AP3M1: variants seen among roughly 807,000 people sequenced by gnomAD.
AP3M1 encodes the protein AP-3 complex subunit mu-1.
AP3M1 carries 29 observed loss-of-function variants against 42.6 expected under a neutral mutation model. The observed-to-expected ratio is 0.68, with a 90% CI of 0.51 to 0.93. AP3M1 has a LOEUF of 0.93. Ranked by LOEUF, AP3M1 falls within the 40% of genes least tolerant of loss-of-function variation. The pLI, the probability that AP3M1 is intolerant of heterozygous loss-of-function variation, is 0.00. For synonymous variants in AP3M1, 178 were observed against 175.3 expected (o/e 1.02, Z -0.12); for missense variants, 416 against 510.2 (o/e 0.82, Z 1.78).
intron 1 of AP3M1, among the ~76,000 whole-genome samples, chr10:74,143,068 TG>T (rs1483129055): frequency 6.6e-6 from 1 of 152,208 alleles, no homozygotes; most frequent in Non-Finnish European, 1.5e-5. Context: ...TGGTTATTTT[TG>T]GCCAGGCACA....
chr10:74,137,959 C>A (rs550371030), intron 2 of AP3M1, 148 bp downstream of exon 2: 7 of 787,352 alleles, frequency 8.9e-6, no homozygotes, highest in East Asian at 5.5e-5. Flanking sequence ...TAACTGTATA[C>A]CACACAGAAA....
rs1307582829 is a variant in AP3M1, at chr10:74,126,414, A to G, written c.804-59T>C. 6.4e-6 allele frequency: 9 copies of G among 1,410,558 alleles called. No individual in the cohort carries two copies. In the East Asian group the frequency reaches 1.9e-4, roughly 30 times the overall value. 87.4% of individuals were successfully genotyped at this position (1,410,558 alleles called of 1,614,324 possible). On this transcript the variant is annotated intron_variant, in intron 6 of 8. Transcript: ENST00000355264. ...CAAACACAATTAATGGTGTGGGGAG[A>G]GCTCCAGAGGTATCCTGAAAACCTC...
rs1477971400 is a variant in AP3M1 at position 74,122,552 on chromosome 10, C to G, written c.*1258G>C. ...TTGAGTGCAATAATACAACTGTTGA[C>G]TGACTTTCCAAAACCACGGTGATCG... On this transcript the variant is annotated 3_prime_UTR_variant, in exon 9 of 9. Transcript: ENST00000355264. The G allele has an allele frequency of 6.6e-6, 1 of 152,080 alleles. No homozygotes were observed. Among genetic ancestry groups the G allele is most frequent in the Admixed American group, 6.5e-5 (1 of 15,282 alleles). 9.4% of individuals were successfully genotyped at this position (152,080 alleles called of 1,614,324 possible).
rs773113503 is a variant in AP3M1 at position 74,124,435 on chromosome 10, T to G, written c.1101A>C (p.Pro367=). 2 of 1,613,698 alleles carry G rather than the reference T, an allele frequency of 1.2e-6. No homozygotes were observed. Among genetic ancestry groups the G allele is most frequent in the Admixed American group, 1.7e-5 (1 of 59,936 alleles). The change falls in exon 8 of 9, where the codon CCA becomes CCC. Residue 367 remains proline, a synonymous_variant. Transcript: ENST00000355264. ...GTATGTTGAGGCTCGGATTCTCTTC[T>G]GGTTTGGGGGCTCCAGACTGTAAAT... is the stretch of plus-strand genomic sequence containing the variant. ...LVNLQSGAPK[P]EENPSLNIQF...
intron 3 of AP3M1, among the ~76,000 whole-genome samples, chr10:74,136,226 A>G (rs1253980898): frequency 6.6e-6 from 1 of 152,182 alleles, no homozygotes; most frequent in Non-Finnish European, 1.5e-5. Context: ...TCTATTCTCT[A>G]GTAATTGTGG....
In AP3M1 at chr10:74,124,370, T is replaced by C; in HGVS notation, c.1156+10A>G. 1 of 1,602,484 alleles carries C rather than the reference T, an allele frequency of 6.2e-7. No individual in the cohort carries two copies. Among genetic ancestry groups the C allele is most frequent in the Non-Finnish European group, 8.5e-7 (1 of 1,176,998 alleles). ...AATTACCCTTAACTACAAGTCAACC[T>C]TATCCTTACCTGAAATAGCAAGCTG... On this transcript the variant is annotated intron_variant, in intron 8 of 8. Transcript: ENST00000355264.
chr10:74,126,473 C>T, intron 6 of AP3M1, 118 bp from the exon 7 acceptor site: 1 of 704,154 alleles, frequency 1.4e-6, no homozygotes. Context: ...TTTAACTCCA[C>T]AATAAGGTAC....
chr10:74,144,719 A>G (rs539261712), intron 1 of AP3M1, among the ~76,000 whole-genome samples: 27 of 151,240 alleles, frequency 1.8e-4, no homozygotes, highest in African/African-American at 6.6e-4. Context: ...CTGGAGTGCA[A>G]TGGCACGATT....
chr10:74,128,326 C>T (rs1840680750), intron 6 of AP3M1, among the ~76,000 whole-genome samples: 1 of 151,604 alleles, frequency 6.6e-6, no homozygotes, highest in Admixed American at 6.6e-5. Flanking sequence ...CAACCTCTGC[C>T]TTCCAGGTTC....
Position 74,137,969 on chromosome 10 carries a change from A to AT in AP3M1, c.273+137_273+138insA, listed in dbSNP as rs1399657648. ...GTGTGTAACTGTATACCACACAGAA[A>AT]AGGGCTTATGAATTTACGCTTAAAC... On this transcript the variant is annotated intron_variant, in intron 2 of 8. Coordinates refer to ENST00000355264, the MANE Select transcript of AP3M1 (RefSeq NM_012095.6). 8.6e-5 allele frequency: 75 copies of AT among 871,490 alleles called. No individual in the cohort carries two copies. In the African/African-American group the frequency reaches 1.2e-3, roughly 14 times the overall value. The allele number at this position is 871,490 out of a possible 1,614,324, so 54.0% of individuals were successfully genotyped here. A position where few individuals can be genotyped will look rare whatever the true frequency, so the allele number is the denominator to read the frequency against.
intron 6 of AP3M1, among the ~76,000 whole-genome samples, chr10:74,126,908 T>C (rs910034345): frequency 7.6e-6 from 1 of 131,040 alleles, no homozygotes; most frequent in Non-Finnish European, 1.5e-5. Context: ...GAAGCGGAGA[T>C]TGCAGTGAGC....
chr10:74,147,256 G>T (rs1231017690), intron 1 of AP3M1, among the ~76,000 whole-genome samples: 1 of 151,364 alleles, frequency 6.6e-6, no homozygotes, highest in Non-Finnish European at 1.5e-5. Context: ...CTGCACTCTA[G>T]CCTGGATGAC....
chr10:74,144,515 C>T (rs1036986262), intron 1 of AP3M1, among the ~76,000 whole-genome samples: 3 of 152,106 alleles, frequency 2.0e-5, no homozygotes, highest in African/African-American at 7.2e-5. Context: ...GTGATCTTCC[C>T]ACCTTGATCT....
At position 74,136,817 on chromosome 10, in the gene AP3M1, C is replaced by A; in HGVS notation, c.274-14G>T. The stretch of plus-strand genomic sequence containing the variant: ...ACCAAAGTAGTCCTGACAAAATACA[C>A]ACAAAATATCACACAATGGAAGGCA... On this transcript the variant is annotated splice_polypyrimidine_tract_variant and intron_variant, in intron 2 of 8. Coordinates refer to ENST00000355264, the MANE Select transcript of AP3M1 (RefSeq NM_012095.6). 1 of 1,465,272 alleles carries A rather than the reference C, an allele frequency of 6.8e-7. No homozygotes were observed. Among genetic ancestry groups the A allele is most frequent in the Non-Finnish European group, 9.2e-7 (1 of 1,090,038 alleles). 90.8% of individuals were successfully genotyped at this position (1,465,272 alleles called of 1,614,324 possible). A position where few individuals can be genotyped will look rare whatever the true frequency, so the allele number is the denominator to read the frequency against.
chr10:74,126,371 G>A lies in AP3M1; in HGVS notation c.804-16C>T, dbSNP rs1840615476. The stretch of plus-strand genomic sequence containing the variant: ...TGCCACTAGACTAAAAAGAGAAACA[G>A]AGAAAGATACAAAAGCACAAACACA... On this transcript the variant is annotated splice_polypyrimidine_tract_variant and intron_variant, in intron 6 of 8. Coordinates refer to ENST00000355264, the MANE Select transcript of AP3M1 (RefSeq NM_012095.6). The A allele has an allele frequency of 1.2e-6, 2 of 1,604,020 alleles. No individual in the cohort carries two copies. The highest frequency in any genetic ancestry group is 1.7e-6 in the Non-Finnish European group (2 of 1,172,526).
Position 74,123,908 on chromosome 10 carries a change from A to G in AP3M1, c.1159T>C (p.Leu387=), listed in dbSNP as rs757138181. ...TACATGTCCAAACGGTTTACTTTTA[A>G]GCCTGTATCAAAAAGAATGAAAAAG... The part of the protein sequence containing the change: ...FKIQQLAISG[L]KVNRLDMYGE... Residue 387 remains leucine, a splice_region_variant and synonymous_variant, in exon 9 of 9, where the codon TTA becomes CTA. Coordinates refer to ENST00000355264, the MANE Select transcript of AP3M1 (RefSeq NM_012095.6). The G allele has an allele frequency of 6.2e-6, 10 of 1,611,828 alleles. No individual in the cohort carries two copies. The South Asian group carries it at 8.8e-5, about 14-fold the overall frequency.
Position 74,123,591 on chromosome 10 carries a change from A to T in AP3M1, c.*219T>A, listed in dbSNP as rs1840531340. 1.8e-6 allele frequency: 1 copy of T among 549,238 alleles called. No homozygotes were observed. Among genetic ancestry groups the T allele is most frequent in the Non-Finnish European group, 3.2e-6 (1 of 310,492 alleles). 34.0% of individuals were successfully genotyped at this position (549,238 alleles called of 1,614,324 possible). Reference sequence around the variant, plus strand: ...AAAAATCACCTCCAAAATCTTCCTAAGTGAAAAGATACAAAATAAGCTAAG... The same window carrying T: ...AAAAATCACCTCCAAAATCTTCCTATGTGAAAAGATACAAAATAAGCTAAG... On this transcript the variant is annotated 3_prime_UTR_variant, in exon 9 of 9. Transcript: ENST00000355264.
chr10:74,150,061 C>A lies in AP3M1; in HGVS notation c.-4+694G>T, dbSNP rs117917639. 5.8e-3 allele frequency among the ~76,000 whole-genome samples: 883 copies of A among 152,306 alleles called. 3 individuals carry two copies. The highest frequency in any genetic ancestry group is 9.5e-3 in the Non-Finnish European group (647 of 68,018). ...ATACTTCTTACCCTTTTATATGAAA[C>A]TTCATCTGTTTTGGGTCTCACCTTG... is the stretch of plus-strand genomic sequence containing the variant. On this transcript the variant is annotated intron_variant, in intron 1 of 8. Transcript: ENST00000355264.
intron 4 of AP3M1, among the ~76,000 whole-genome samples, chr10:74,132,785 A>T (rs1210276889): frequency 6.6e-6 from 1 of 152,184 alleles, no homozygotes; most frequent in African/African-American, 2.4e-5. Context: ...ATGTAGTAGC[A>T]AAAGCATGGT....
Sources: gnomAD v4.1 joint callset for allele counts (sites outside exome capture counted in the v4.1 genomes callset) on GRCh38, gnomAD v4.1.1 for gene constraint, MANE v1.5 for transcripts, NCBI Gene and HGNC (gene_info 2026-07-23, HGNC 2026-07-21) for gene names.